CNTRL: variants seen among roughly 807,000 people sequenced by gnomAD.
The protein encoded by CNTRL is centriolin.
CNTRL carries 233 observed loss-of-function variants against 303.7 expected under a neutral mutation model. The observed-to-expected ratio is 0.77, with a 90% CI of 0.69 to 0.86. The LOEUF is 0.86. CNTRL is among the 40% of genes least tolerant of loss of function. CNTRL has a pLI of 0.00. For missense variants in CNTRL, 2,524 were observed against 2,650.6 expected, an observed-to-expected ratio of 0.95 and a Z score of 1.05; for synonymous variants, 900 against 922.2, an observed-to-expected ratio of 0.98 and a Z score of 0.44.
chr9:121,097,256 A>G (rs1430677478), intron 6 of CNTRL, among the ~76,000 whole-genome samples: 1 of 152,150 alleles, frequency 6.6e-6, no homozygotes, highest in Non-Finnish European at 1.5e-5. Flanking sequence ...TTTAATGAAC[A>G]TCAGTTGTAG....
chr9:121,101,569 A>T (rs1413055275), intron 7 of CNTRL, among the ~76,000 whole-genome samples: 1 of 152,236 alleles, frequency 6.6e-6, no homozygotes, highest in Non-Finnish European at 1.5e-5. Context: ...ACTGAAGGAG[A>T]TAGAGCCACA....
intron 29 of CNTRL, 43 bp downstream of exon 29, chr9:121,157,923 A>T: frequency 6.2e-7 from 1 of 1,613,700 alleles, no homozygotes; most frequent in Non-Finnish European, 8.5e-7. Flanking sequence ...TTGTGCTGGA[A>T]GACAGCTCTG....
In CNTRL at chr9:121,166,092, A is replaced by C; in HGVS notation, c.5582-15A>C. On this transcript the variant is annotated splice_polypyrimidine_tract_variant and intron_variant, in intron 35 of 43. Coordinates refer to ENST00000373855, the MANE Select transcript of CNTRL (RefSeq NM_007018.6). ...CGTATGTATTTCTTATTTCATGAGA[A>C]TGTCATTTCTTTAGAAAAACGAGAA... 2 of 1,589,978 alleles carry C rather than the reference A, an allele frequency of 1.3e-6. No homozygotes were observed. Among genetic ancestry groups the C allele is most frequent in the Non-Finnish European group, 8.6e-7 (1 of 1,161,520 alleles).
chr9:121,168,315 C>G lies in CNTRL; in HGVS notation c.6064C>G (p.Gln2022Glu), dbSNP rs1297643334. ...TGAGAGCCTGGAGAAGACACTCTCC[C>G]AAACTAGTATGTATTCTGGAACTTC... The part of the protein sequence containing the change: ...WCESLEKTLS[Q>E]TKRQLSEREQ... The change falls in exon 38 of 44, where the codon CAA (glutamine) becomes GAA (glutamate). Residue 2022 changes from glutamine to glutamate, a missense_variant. By Grantham distance (29) the Gln-to-Glu change is conservative. Transcript: ENST00000373855. The G allele has an allele frequency of 6.2e-7, 1 of 1,613,196 alleles. No individual in the cohort carries two copies. Among genetic ancestry groups the G allele is most frequent in the Non-Finnish European group, 8.5e-7 (1 of 1,179,256 alleles).
Position 121,177,366 on chromosome 9 carries a change from T to C in CNTRL, c.*180T>C. On this transcript the variant is annotated 3_prime_UTR_variant, in exon 44 of 44. Coordinates refer to ENST00000373855, the MANE Select transcript of CNTRL (RefSeq NM_007018.6). Reference sequence around the variant, plus strand: ...AATGTTTTTATAAATCACTTGTACATAGTACATATGGGAATAGTTGCATAT... The same window carrying C: ...AATGTTTTTATAAATCACTTGTACACAGTACATATGGGAATAGTTGCATAT... 1 of 568,496 alleles carries C rather than the reference T, an allele frequency of 1.8e-6. No homozygotes were observed. The highest frequency in any genetic ancestry group is 2.4e-5 in the South Asian group (1 of 41,456). The allele number at this position is 568,496 out of a possible 1,614,324, so 35.2% of individuals were successfully genotyped here.
In CNTRL at chr9:121,124,077, TA is replaced by T; in HGVS notation, c.1798del (p.Thr600LeufsTer5). ...EEIKDLEEQL[T>X]EGQIAANEAL... ...AGATTAAGGACCTTGAAGAACAGCT[TA>T]CTGAAGGTAAGACTTTCAGTATGAT... is the stretch of plus-strand genomic sequence containing the variant. On this transcript the variant is annotated frameshift_variant, in exon 13 of 44. Coordinates refer to ENST00000373855, the MANE Select transcript of CNTRL (RefSeq NM_007018.6). LOFTEE classifies it high-confidence loss of function. 4 of 1,602,990 alleles carry T rather than the reference TA, an allele frequency of 2.5e-6. No individual in the cohort carries two copies. The highest frequency in any genetic ancestry group is 3.4e-6 in the Non-Finnish European group (4 of 1,176,660).
In CNTRL at chr9:121,166,344, G is replaced by A. The variant is rs150668549; in HGVS notation, c.5655+164G>A. 1.2e-4 allele frequency among the ~76,000 whole-genome samples: 18 copies of A among 152,312 alleles called. No individual in the cohort carries two copies. In the East Asian group the frequency reaches 2.1e-3, roughly 18 times the overall value. On this transcript the variant is annotated intron_variant, in intron 36 of 43. Transcript: ENST00000373855. ...ACATAAATAAAAGTTTTGATGGAGA[G>A]CAGTGGTTTGCTAATTTATTTTAGC...
chr9:121,084,846 G>C (rs986350654), intron 2 of CNTRL, among the ~76,000 whole-genome samples: 3 of 151,944 alleles, frequency 2.0e-5, no homozygotes, highest in Admixed American at 6.6e-5. Context: ...GCCCGGCTGA[G>C]GATGTAATTT....
chr9:121,083,010 G>A (rs548580388), intron 2 of CNTRL, among the ~76,000 whole-genome samples: 1 of 150,512 alleles, frequency 6.6e-6, no homozygotes, highest in African/African-American at 2.4e-5. Flanking sequence ...ATAAAAATAT[G>A]GTATAAAATG....
At chr9:121,176,525 G>A (rs1054436532) in intron 43 of CNTRL, among the ~76,000 whole-genome samples, 1 of 152,226 alleles carries the variant, frequency 6.6e-6, no homozygotes, top group African/African-American at 2.4e-5. Flanking sequence ...GCATTGAATA[G>A]GGAAGCTTTG....
In CNTRL at chr9:121,173,744, C is replaced by T. The variant is rs181558916; in HGVS notation, c.6747+7C>T. Reference sequence around the variant, plus strand: ...CCGGGAAGACCGACTCAAGGTTGCCCTTTAAAACAAACAAAAAATCAGTAT... The same window carrying T: ...CCGGGAAGACCGACTCAAGGTTGCCTTTTAAAACAAACAAAAAATCAGTAT... On this transcript the variant is annotated splice_region_variant and intron_variant, in intron 42 of 43. Transcript: ENST00000373855. The T allele has an allele frequency of 4.8e-4, 770 of 1,613,858 alleles. No homozygotes were observed. The highest frequency in any genetic ancestry group is 5.8e-4 in the Non-Finnish European group (679 of 1,179,828).
chr9:121,160,147 TA>T lies in CNTRL; in HGVS notation c.4938del (p.Lys1646AsnfsTer7). The T allele has an allele frequency of 6.8e-7, 1 of 1,468,802 alleles. No individual in the cohort carries two copies. 91.0% of individuals were successfully genotyped at this position (1,468,802 alleles called of 1,614,324 possible). On this transcript the variant is annotated frameshift_variant, in exon 32 of 44. Coordinates refer to ENST00000373855, the MANE Select transcript of CNTRL (RefSeq NM_007018.6). LOFTEE classifies it high-confidence loss of function. Reference protein sequence around the residue: ...VTEKCNHIREVKSLLEELSFQ... With the variant: ...VTEKCNHIREXKSLLEELSFQ... ...CTTTTTTTTTTTCAAACACAGGAAG[TA>T]AAATCTCTTCTGGAAGAACTGAGTT...
At chr9:121,141,611 C>G in intron 18 of CNTRL, 23 bp downstream of exon 18, 5 of 1,604,294 alleles carry the variant, frequency 3.1e-6, no homozygotes, top group Non-Finnish European at 4.3e-6. Context: ...CAAGAGGCAC[C>G]TGGAGGGAAG....
In CNTRL at chr9:121,136,001, C is replaced by T; in HGVS notation, c.2202+19C>T. ...TACCCAGGTAAGTAGGAGCATGAAG[C>T]CAACTGCAAACTAAGGACCCTGTGC... On this transcript the variant is annotated intron_variant, in intron 15 of 43. Transcript: ENST00000373855. The T allele has an allele frequency of 6.4e-7, 1 of 1,572,650 alleles. No homozygotes were observed. The highest frequency in any genetic ancestry group is 8.7e-7 in the Non-Finnish European group (1 of 1,154,412).
rs761995459 is a variant in CNTRL at position 121,160,220 on chromosome 9, A to C, written c.5007A>C (p.Gln1669His). The change falls in exon 32 of 44, where the codon CAA (glutamine) becomes CAC (histidine). Residue 1669 changes from glutamine to histidine, a missense_variant. Coordinates refer to ENST00000373855, the MANE Select transcript of CNTRL (RefSeq NM_007018.6). ...LNVQISERKTQLTLIKQEIEK... is the reference protein window; with the variant it reads ...LNVQISERKTHLTLIKQEIEK... The stretch of plus-strand genomic sequence containing the variant: ...TTCAGATTAGTGAAAGAAAAACTCA[A>C]CTTACACTTATAAAGCAGGAAATTG... The C allele has an allele frequency of 8.3e-6, 13 of 1,570,816 alleles. No homozygotes were observed. The highest frequency in any genetic ancestry group is 1.0e-5 in the Non-Finnish European group (12 of 1,163,618).
intron 15 of CNTRL, among the ~76,000 whole-genome samples, chr9:121,137,634 C>T (rs539886082): frequency 6.6e-5 from 10 of 152,108 alleles, no homozygotes; most frequent in South Asian, 6.2e-4. Flanking sequence ...TTGTATTTCT[C>T]GAGTACCGAG....
intron 15 of CNTRL, among the ~76,000 whole-genome samples, chr9:121,136,524 G>A (rs990179140): frequency 6.6e-6 from 1 of 152,058 alleles, no homozygotes; most frequent in African/African-American, 2.4e-5. Context: ...TGGTCAGGCT[G>A]GTCTACAAAC....
At chr9:121,121,800 T>G (rs2050240823) in intron 12 of CNTRL, 1 of 985,336 alleles carries the variant, frequency 1.0e-6, no homozygotes, top group Admixed American at 6.1e-5. Context: ...TTTGAGGCTC[T>G]GCGAAGTTAC....
intron 40 of CNTRL, 119 bp from the exon 41 acceptor site, chr9:121,173,124 T>G: frequency 1.1e-6 from 1 of 884,476 alleles, no homozygotes; most frequent in East Asian, 2.7e-5. Context: ...TTTTTACAGT[T>G]CTAGTAATCA....
Sources: gnomAD v4.1 joint callset for allele counts (sites outside exome capture counted in the v4.1 genomes callset) on GRCh38, gnomAD v4.1.1 for gene constraint, MANE v1.5 for transcripts, NCBI Gene and HGNC (gene_info 2026-07-23, HGNC 2026-07-21) for gene names.